Variants in MCOLN2 observed in about 807,000 individuals in gnomAD.
MCOLN2 encodes mucolipin-2.
MCOLN2 carries 57 observed loss-of-function variants against 67.5 expected under a neutral mutation model. The ratio of observed to expected loss-of-function variants is 0.84; its 90% CI spans 0.68 to 1.05. The LOEUF is 1.05. Ranked by LOEUF, MCOLN2 falls within the 50% of genes least tolerant of loss-of-function variation. The probability of loss-of-function intolerance (pLI) is 0.00; values close to 1 mark genes in which losing one functional copy is unlikely to be tolerated. For missense variants in MCOLN2, 620 were observed against 678.8 expected (o/e 0.91, Z 0.96); for synonymous variants, 246 against 233.3 (o/e 1.05, Z -0.50).
At chr1:84,942,567 A>G (rs1218687295) in intron 7 of MCOLN2, among the ~76,000 whole-genome samples, 1 of 148,456 alleles carries the variant, frequency 6.7e-6, no homozygotes. Context: ...AGTGGTTACT[A>G]TTTTATCATT....
intron 13 of MCOLN2, among the ~76,000 whole-genome samples, chr1:84,927,143 C>T (rs185446924): frequency 1.2e-4 from 18 of 150,750 alleles, no homozygotes; most frequent in East Asian, 5.9e-4. Context: ...ACCACCATGG[C>T]GCATGTGTAC....
chr1:84,987,553 CATCTATGT>C (rs1650641460), intron 1 of MCOLN2, among the ~76,000 whole-genome samples: 1 of 67,060 alleles, frequency 1.5e-5, no homozygotes, highest in African/African-American at 7.4e-5. Flanking sequence ...TAGATGTATA[CATCTATGT>C]ATACATAGAT....
At chr1:84,989,760 A>C (rs1650792309) in intron 1 of MCOLN2, among the ~76,000 whole-genome samples, 1 of 152,216 alleles carries the variant, frequency 6.6e-6, no homozygotes, top group African/African-American at 2.4e-5. Context: ...ATATTTACAC[A>C]GGCAAAAGTT....
chr1:84,948,564 A>C (rs1216605828), intron 6 of MCOLN2, among the ~76,000 whole-genome samples: 1 of 151,812 alleles, frequency 6.6e-6, no homozygotes, highest in African/African-American at 2.4e-5. Context: ...AAAAGAACAT[A>C]ATAATTCTCA....
intron 11 of MCOLN2, 147 bp downstream of exon 11, chr1:84,937,608 A>C: frequency 7.0e-7 from 1 of 1,426,798 alleles, no homozygotes; most frequent in Non-Finnish European, 9.2e-7. Context: ...AAAGGAAAAA[A>C]AGAAAAAGAA....
chr1:84,950,281 G>A (rs1648355307), intron 6 of MCOLN2, among the ~76,000 whole-genome samples: 2 of 152,120 alleles, frequency 1.3e-5, no homozygotes, highest in Non-Finnish European at 2.9e-5. Flanking sequence ...CTAAATACAG[G>A]ATATCAGATA....
At chr1:84,969,570 CAA>C (rs60003501) in intron 1 of MCOLN2, among the ~76,000 whole-genome samples, 94 of 80,666 alleles carry the variant, frequency 1.2e-3, no homozygotes, top group East Asian at 9.9e-3. Context: ...GACTCTGCCT[CAA>C]AAAAAAAAAA....
At chr1:84,989,866 A>T (rs1156336431) in intron 1 of MCOLN2, among the ~76,000 whole-genome samples, 1 of 152,234 alleles carries the variant, frequency 6.6e-6, no homozygotes, top group Non-Finnish European at 1.5e-5. Flanking sequence ...GTGAACATTG[A>T]ACAATAAAAA....
At position 84,938,037 on chromosome 1, in the gene MCOLN2, T is replaced by C. The variant is rs777751727; in HGVS notation, c.1156A>G (p.Thr386Ala). Residue 386 changes from threonine (T) to alanine (A), a missense_variant, in exon 10 of 14, where the codon ACG becomes GCG. Physicochemically the swap from Thr to Ala is moderately conservative, Grantham distance 58 (BLOSUM62 0). Coordinates refer to ENST00000370608, the MANE Select transcript of MCOLN2 (RefSeq NM_153259.4). ...DLCSIFLGTS[T>A]LLVWVGVIRY... ...ATGACTCCAACCCAAACCAAGAGCG[T>C]AGAGGTTCCAAGAAAAATGCTGCAG... 2 of 1,613,790 alleles carry C rather than the reference T, an allele frequency of 1.2e-6. No individual in the cohort carries two copies. Among genetic ancestry groups the C allele is most frequent in the South Asian group, 1.1e-5 (1 of 91,052 alleles).
intron 11 of MCOLN2, among the ~76,000 whole-genome samples, chr1:84,933,492 G>A (rs1647272319): frequency 6.6e-6 from 1 of 152,204 alleles, no homozygotes; most frequent in Non-Finnish European, 1.5e-5. Flanking sequence ...TTAACAATAT[G>A]TAGATTATTT....
At chr1:84,950,823 C>A (rs537550525) in intron 6 of MCOLN2, among the ~76,000 whole-genome samples, 30 of 152,274 alleles carry the variant, frequency 2.0e-4, no homozygotes, top group Admixed American at 3.3e-4. Flanking sequence ...CATTTCTATA[C>A]CTGTAAGTTA....
intron 6 of MCOLN2, 121 bp downstream of exon 6, chr1:84,952,122 A>C (rs1425359871): frequency 2.3e-5 from 15 of 650,530 alleles, no homozygotes; most frequent in Non-Finnish European, 3.7e-5. Context: ...TGTATCACTA[A>C]ATCTGTTTTA....
Position 84,958,527 on chromosome 1 carries a change from G to A in MCOLN2, c.411+2C>T. 1 of 1,598,768 alleles carries A rather than the reference G, an allele frequency of 6.3e-7. No homozygotes were observed. Among genetic ancestry groups the A allele is most frequent in the Non-Finnish European group, 8.5e-7 (1 of 1,176,492 alleles). On this transcript the variant is annotated splice_donor_variant, in intron 3 of 13. Coordinates refer to ENST00000370608, the MANE Select transcript of MCOLN2 (RefSeq NM_153259.4). LOFTEE classifies it low-confidence loss of function (GC_TO_GT_DONOR). ...ATAGGTCATTCACAACAAAACACTTGCCTGATTAATAGCAAAAAAGATGCT... is the reference window on the plus strand; with the variant it reads ...ATAGGTCATTCACAACAAAACACTTACCTGATTAATAGCAAAAAAGATGCT...
At chr1:84,938,778 T>TGAC (rs1178016325) in intron 9 of MCOLN2, among the ~76,000 whole-genome samples, 4 of 152,170 alleles carry the variant, frequency 2.6e-5, no homozygotes, top group African/African-American at 9.7e-5. Context: ...TGGATGATGA[T>TGAC]GACCCCAGGG....
At chr1:84,969,068 T>G (rs1649526682) in intron 1 of MCOLN2, among the ~76,000 whole-genome samples, 1 of 152,248 alleles carries the variant, frequency 6.6e-6, no homozygotes, top group African/African-American at 2.4e-5. Flanking sequence ...ACATGGCAGT[T>G]CCTGGAGGGT....
At chr1:84,973,450 C>T (rs1389170873) in intron 1 of MCOLN2, among the ~76,000 whole-genome samples, 3 of 152,104 alleles carry the variant, frequency 2.0e-5, no homozygotes, top group Non-Finnish European at 4.4e-5. Context: ...TGCACTCCAG[C>T]CTGGACAACA....
chr1:84,930,227 T>C (rs1417516937), intron 12 of MCOLN2, among the ~76,000 whole-genome samples: 1 of 151,222 alleles, frequency 6.6e-6, no homozygotes, highest in East Asian at 1.9e-4. Context: ...TATACCACTG[T>C]CCTCCAGCCT....
In MCOLN2 at chr1:84,932,743, CAT is replaced by C. The variant is rs376191819; in HGVS notation, c.1336-1177_1336-1176del. On this transcript the variant is annotated intron_variant, in intron 11 of 13. Coordinates refer to ENST00000370608, the MANE Select transcript of MCOLN2 (RefSeq NM_153259.4). ...TTCTAAGGCCTGTCTGTTCCTATCA[CAT>C]GTTTCTCCAATCCACCCTTACTACT... Among the ~76,000 whole-genome samples the C allele has an allele frequency of 1.9e-3, 287 of 152,306 alleles. 1 individual carries two copies. Among genetic ancestry groups the C allele is most frequent in the African/African-American group, 6.4e-3 (265 of 41,572 alleles).
intron 1 of MCOLN2, among the ~76,000 whole-genome samples, chr1:84,968,415 T>A (rs1159037753): frequency 6.6e-6 from 1 of 152,088 alleles, no homozygotes; most frequent in Non-Finnish European, 1.5e-5. Flanking sequence ...GACTTGGCAC[T>A]CTAATAAATA....
Sources: allele counts gnomAD v4.1 joint callset (sites outside exome capture counted in the v4.1 genomes callset), GRCh38; gene constraint gnomAD v4.1.1; transcripts MANE v1.5; gene names NCBI Gene and HGNC (gene_info 2026-07-23, HGNC 2026-07-21).